Variants in ANKRD36 observed in about 807,000 individuals in gnomAD.
ANKRD36 encodes ankyrin repeat domain 36.
Under a neutral mutation model 278.1 loss-of-function variants are expected in ANKRD36, and 179 were observed. That is an observed-to-expected ratio of 0.64 (90% CI 0.57 to 0.73). The LOEUF is 0.73. Ranked by LOEUF, ANKRD36 falls within the 30% of genes least tolerant of loss-of-function variation. The pLI, the probability that ANKRD36 is intolerant of heterozygous loss-of-function variation, is 0.00. For missense variants in ANKRD36, 1,159 were observed against 1,956.7 expected (o/e 0.59, Z 7.69); for synonymous variants, 320 against 641.1 (o/e 0.50, Z 7.57).
chr2:97,203,661 G>C (rs943986837), intron 48 of ANKRD36, among the ~76,000 whole-genome samples: 7 of 151,786 alleles, frequency 4.6e-5, no homozygotes, highest in African/African-American at 1.7e-4. Flanking sequence ...AATGTTTGTA[G>C]TATAATGGTG....
intron 52 of ANKRD36, among the ~76,000 whole-genome samples, chr2:97,206,595 G>A (rs1437464051): frequency 1.3e-5 from 2 of 151,464 alleles, no homozygotes; most frequent in South Asian, 2.1e-4. Flanking sequence ...AAGACGGATT[G>A]TGAGGCAGGA....
intron 22 of ANKRD36, among the ~76,000 whole-genome samples, chr2:97,176,669 C>T (rs62153948): frequency 0.59 from 87,095 of 148,634 alleles, 29,735 homozygotes; most frequent in Non-Finnish European, 0.78. Flanking sequence ...CCTGTCATTA[C>T]GATGTTAGCT....
chr2:97,117,270 G>A (rs1490394156), intron 1 of ANKRD36, among the ~76,000 whole-genome samples: 1 of 151,674 alleles, frequency 6.6e-6, no homozygotes, highest in Admixed American at 6.6e-5. Flanking sequence ...AAATTGAAGT[G>A]AGAATTACTT....
chr2:97,216,003 T>C (rs1223944974), intron 62 of ANKRD36, among the ~76,000 whole-genome samples: 1 of 151,918 alleles, frequency 6.6e-6, no homozygotes, highest in Non-Finnish European at 1.5e-5. Context: ...ATTTATGTAA[T>C]TTTGGGGTTT....
intron 6 of ANKRD36, among the ~76,000 whole-genome samples, chr2:97,139,977 C>A (rs1424049732): frequency 6.6e-6 from 1 of 151,896 alleles, no homozygotes; most frequent in South Asian, 2.1e-4. Context: ...AGAAAAAACA[C>A]CCTGTAAAGC....
intron 22 of ANKRD36, among the ~76,000 whole-genome samples, chr2:97,177,647 C>A (rs1239542472): frequency 2.0e-5 from 3 of 151,952 alleles, no homozygotes; most frequent in Non-Finnish European, 4.4e-5. Context: ...AAACTGTATC[C>A]CTTCCTTACA....
chr2:97,127,598 G>T (rs544502965), intron 6 of ANKRD36, among the ~76,000 whole-genome samples: 8 of 151,896 alleles, frequency 5.3e-5, no homozygotes, highest in Non-Finnish European at 1.0e-4. Context: ...TATTTGGTAT[G>T]TTGTATATAT....
chr2:97,211,836 A>G, intron 58 of ANKRD36, 95 bp downstream of exon 58: 3 of 1,376,108 alleles, frequency 2.2e-6, no homozygotes, highest in Non-Finnish European at 3.0e-6. Context: ...TCAAGCCTTC[A>G]TGTTCTGCTT....
chr2:97,117,936 G>A (rs2035931016), intron 1 of ANKRD36, 128 bp from the exon 2 acceptor site: 8 of 1,329,478 alleles, frequency 6.0e-6, no homozygotes, highest in Middle Eastern at 2.7e-4. Flanking sequence ...AATGTGGTGA[G>A]TAATAAGCGC....
chr2:97,181,347 T>A (rs536779918), intron 24 of ANKRD36, among the ~76,000 whole-genome samples: 5 of 151,622 alleles, frequency 3.3e-5, no homozygotes, highest in African/African-American at 1.2e-4. Context: ...TTGACACGGT[T>A]TTATTTTAGT....
intron 28 of ANKRD36, among the ~76,000 whole-genome samples, chr2:97,184,330 G>A (rs1472090839): frequency 1.3e-5 from 2 of 151,620 alleles, no homozygotes; most frequent in Non-Finnish European, 2.9e-5. Flanking sequence ...TTAGTATCAG[G>A]CATCAGACAT....
intron 46 of ANKRD36, among the ~76,000 whole-genome samples, chr2:97,201,967 G>A (rs1315147034): frequency 3.3e-5 from 5 of 151,836 alleles, no homozygotes; most frequent in Non-Finnish European, 5.9e-5. Flanking sequence ...TTTAGTTTTC[G>A]ACATATGAGA....
chr2:97,170,545 T>C (rs746509643), intron 22 of ANKRD36, among the ~76,000 whole-genome samples: 21 of 151,948 alleles, frequency 1.4e-4, no homozygotes, highest in East Asian at 1.9e-4. Context: ...TTACACCTCA[T>C]ACAAAAATCA....
chr2:97,130,452 G>T (rs553149219), intron 6 of ANKRD36, among the ~76,000 whole-genome samples: 18 of 131,382 alleles, frequency 1.4e-4, no homozygotes, highest in African/African-American at 4.5e-4. Flanking sequence ...GTTGTGGGGT[G>T]GGGGGAGGGG....
In ANKRD36 at chr2:97,196,571, A is replaced by G. The variant is rs375935031; in HGVS notation, c.2552-22A>G. 1.0e-5 allele frequency: 16 copies of G among 1,604,454 alleles called. No individual in the cohort carries two copies. The African/African-American group carries it at 2.0e-4, about 20-fold the overall frequency. The stretch of plus-strand genomic sequence containing the variant: ...TTGTCATATTTATGTATGACTGATT[A>G]TGAATCCCTTTTGCTTTTCAGTGTC... On this transcript the variant is annotated intron_variant, in intron 40 of 75. Coordinates refer to ENST00000420699, the MANE Select transcript of ANKRD36 (RefSeq NM_001354587.1).
rs961890586 is a variant in ANKRD36 at position 97,181,926 on chromosome 2, C to T, written c.1837+133C>T. The stretch of plus-strand genomic sequence containing the variant: ...AGCAGGCCTGAGATTCTTCAGTTCT[C>T]AGGTGACACTGATGCTGCTGGTCTT... On this transcript the variant is annotated intron_variant, in intron 26 of 75. Coordinates refer to ENST00000420699, the MANE Select transcript of ANKRD36 (RefSeq NM_001354587.1). 16 of 1,243,708 alleles carry T rather than the reference C, an allele frequency of 1.3e-5. No homozygotes were observed. In the African/African-American group the frequency reaches 2.1e-4, roughly 16 times the overall value. The allele number at this position is 1,243,708 out of a possible 1,614,324, so 77.0% of individuals were successfully genotyped here.
chr2:97,185,031 G>C (rs1265448287), intron 28 of ANKRD36, among the ~76,000 whole-genome samples: 1 of 151,644 alleles, frequency 6.6e-6, no homozygotes, highest in East Asian at 2.0e-4. Context: ...GATCACTTTT[G>C]TCCTCATCAT....
chr2:97,194,277 C>T (rs1317019552), intron 38 of ANKRD36, among the ~76,000 whole-genome samples: 1 of 151,586 alleles, frequency 6.6e-6, no homozygotes, highest in Non-Finnish European at 1.5e-5. Context: ...TGTGCCTTCT[C>T]ATTTATTGGG....
chr2:97,178,227 G>A (rs200598686), intron 22 of ANKRD36, among the ~76,000 whole-genome samples: 3 of 151,762 alleles, frequency 2.0e-5, no homozygotes, highest in African/African-American at 4.8e-5. Flanking sequence ...TACACTGTTG[G>A]TGGGACTGTA....
Sources: gnomAD v4.1 joint callset for allele counts (sites outside exome capture counted in the v4.1 genomes callset) on GRCh38, gnomAD v4.1.1 for gene constraint, MANE v1.5 for transcripts, NCBI Gene and HGNC (gene_info 2026-07-23, HGNC 2026-07-21) for gene names.